ZNF438: variants seen among roughly 807,000 people sequenced by gnomAD.
ZNF438 encodes zinc finger protein 438.
ZNF438 carries 25 observed loss-of-function variants against 38.0 expected under a neutral mutation model. The ratio of observed to expected loss-of-function variants is 0.66; its 90% CI spans 0.48 to 0.92. The LOEUF (loss-of-function observed/expected upper bound fraction) is 0.92. Ranked by LOEUF, ZNF438 falls within the 40% of genes least tolerant of loss-of-function variation. The pLI, the probability that ZNF438 is intolerant of heterozygous loss-of-function variation, is 0.00. For synonymous variants in ZNF438, 372 were observed against 364.1 expected (o/e 1.02, Z -0.25); for missense variants, 1,007 against 999.6 (o/e 1.01, Z -0.10).
Position 30,973,974 on chromosome 10 carries a change from C to T in ZNF438, c.-191-32323G>A, listed in dbSNP as rs143148492. Among the ~76,000 whole-genome samples, 498 of 152,318 alleles carry T rather than the reference C, an allele frequency of 3.3e-3. 1 individual carries two copies. Among genetic ancestry groups the T allele is most frequent in the Non-Finnish European group, 5.9e-3 (404 of 68,026 alleles). ...GTGTTACTGCCCTTGTGAAACACAA[C>T]TTTAGTGCTAGCAGCCGTTTCACCA... On this transcript the variant is annotated intron_variant, in intron 1 of 5. Transcript: ENST00000413025.
At chr10:31,021,082 G>C (rs61845211) in intron 1 of ZNF438, among the ~76,000 whole-genome samples, 1 of 144,292 alleles carries the variant, frequency 6.9e-6, no homozygotes, top group Non-Finnish European at 1.5e-5. Flanking sequence ...TTTGAGACAG[G>C]CTCTCACTCT....
At chr10:30,987,095 C>T (rs1366274085) in intron 1 of ZNF438, among the ~76,000 whole-genome samples, 1 of 151,920 alleles carries the variant, frequency 6.6e-6, no homozygotes, top group Non-Finnish European at 1.5e-5. Context: ...CAACTGAATC[C>T]ACAAAAGATG....
intron 1 of ZNF438, among the ~76,000 whole-genome samples, chr10:30,991,165 T>C (rs73254411): frequency 0.018 from 2,776 of 152,344 alleles, 93 homozygotes; most frequent in African/African-American, 0.062. Flanking sequence ...TCGAGAGCTC[T>C]AGTCCAGAAG....
At chr10:30,994,403 T>C (rs2053834883) in intron 1 of ZNF438, among the ~76,000 whole-genome samples, 1 of 152,194 alleles carries the variant, frequency 6.6e-6, no homozygotes, top group Non-Finnish European at 1.5e-5. Flanking sequence ...AATGGATTAG[T>C]AGATTAATAA....
At chr10:30,977,596 G>A (rs1417885615) in intron 1 of ZNF438, among the ~76,000 whole-genome samples, 1 of 152,162 alleles carries the variant, frequency 6.6e-6, no homozygotes, top group Non-Finnish European at 1.5e-5. Flanking sequence ...TAGTCACACA[G>A]CCACATGTTG....
At position 30,844,690 on chromosome 10, in the gene ZNF438, CAAATTTTG is replaced by C. The variant is rs1448589813; in HGVS notation, c.*263_*270del. 8 of 351,796 alleles carry C rather than the reference CAAATTTTG, an allele frequency of 2.3e-5. 1 individual carries two copies. The highest frequency in any genetic ancestry group is 1.7e-4 in the African/African-American group (8 of 47,850). The allele number at this position is 351,796 out of a possible 1,614,324, so 21.8% of individuals were successfully genotyped here. On this transcript the variant is annotated 3_prime_UTR_variant, in exon 6 of 6. Transcript: ENST00000413025. ...CTATATTCTGCTAAATTTCAATCTT[CAAATTTTG>C]ATCTTTTTATTTATTCTGAAAGTCT... is the stretch of plus-strand genomic sequence containing the variant.
At position 30,924,287 on chromosome 10, in the gene ZNF438, C is replaced by T. The variant is rs200100001; in HGVS notation, c.-114-15272G>A. On this transcript the variant is annotated intron_variant, in intron 2 of 5. Transcript: ENST00000413025. ...GAAGGCTTTAATCAGGTGCTGCAGC[C>T]GAGGAGATGGGAGCTCAGTCTAAAA... Among the ~76,000 whole-genome samples the T allele has an allele frequency of 3.3e-5, 5 of 152,198 alleles. No homozygotes were observed. In the East Asian group the frequency reaches 9.7e-4, roughly 29 times the overall value.
chr10:31,010,996 A>G (rs2055646244), intron 1 of ZNF438, among the ~76,000 whole-genome samples: 1 of 151,182 alleles, frequency 6.6e-6, no homozygotes, highest in Non-Finnish European at 1.5e-5. Context: ...ATAAAAATGT[A>G]GTGGATTAAA....
intron 5 of ZNF438, among the ~76,000 whole-genome samples, chr10:30,847,644 T>G (rs1157765671): frequency 6.6e-6 from 1 of 152,212 alleles, no homozygotes; most frequent in Non-Finnish European, 1.5e-5. Flanking sequence ...TGGGGAGCTC[T>G]GTCCTGGGAG....
chr10:30,882,400 T>C (rs11814082), intron 3 of ZNF438, among the ~76,000 whole-genome samples: 30,780 of 152,042 alleles, frequency 0.2, 3,379 homozygotes, highest in African/African-American at 0.29. Context: ...ATACAAAAAC[T>C]TGTACAAAGA....
At chr10:30,927,683 C>T (rs753486245) in intron 2 of ZNF438, among the ~76,000 whole-genome samples, 14 of 152,116 alleles carry the variant, frequency 9.2e-5, no homozygotes, top group Non-Finnish European at 1.3e-4. Context: ...GAAAATAAAC[C>T]CGAAGGGTCT....
chr10:30,983,393 A>C (rs2052433670), intron 1 of ZNF438, among the ~76,000 whole-genome samples: 1 of 152,232 alleles, frequency 6.6e-6, no homozygotes, highest in Non-Finnish European at 1.5e-5. Context: ...GCAAAGGGGA[A>C]GCAGGTACAT....
chr10:30,860,529 T>A (rs1396782972), intron 4 of ZNF438, among the ~76,000 whole-genome samples: 2 of 152,330 alleles, frequency 1.3e-5, no homozygotes, highest in East Asian at 3.9e-4. Flanking sequence ...TCTATGCTTG[T>A]AAATAATGAA....
chr10:30,880,444 AAAAG>A (rs2039082382), intron 3 of ZNF438, among the ~76,000 whole-genome samples: 1 of 150,088 alleles, frequency 6.7e-6, no homozygotes. Flanking sequence ...AAAAAAAAAA[AAAAG>A]AAAAAGAAAA....
chr10:30,854,253 G>A (rs2034216470), intron 4 of ZNF438, among the ~76,000 whole-genome samples: 1 of 152,208 alleles, frequency 6.6e-6, no homozygotes, highest in South Asian at 2.1e-4. Context: ...CCGGGAGTTT[G>A]CAGTGAGCCG....
At chr10:30,951,077 T>G (rs2048133894) in intron 1 of ZNF438, among the ~76,000 whole-genome samples, 1 of 142,202 alleles carries the variant, frequency 7.0e-6, no homozygotes. Context: ...ATCCCTGGGA[T>G]GCAAGGCTGG....
chr10:30,865,098 A>C (rs1298066146), intron 4 of ZNF438, among the ~76,000 whole-genome samples: 2 of 152,236 alleles, frequency 1.3e-5, no homozygotes, highest in Non-Finnish European at 2.9e-5. Flanking sequence ...ATCTGTTTAC[A>C]TGTCAGTCTC....
At chr10:30,848,596 C>A (rs767649888) in exon 5 of ZNF438, 1 of 1,613,928 alleles carries the variant, frequency 6.2e-7, no homozygotes, top group South Asian at 1.1e-5. Flanking sequence ...CTCCTGGCTG[C>A]AGTTCACTGG....
chr10:30,935,049 T>C (rs1027371711), intron 2 of ZNF438, among the ~76,000 whole-genome samples: 3 of 152,238 alleles, frequency 2.0e-5, no homozygotes, highest in African/African-American at 7.2e-5. Context: ...TTTGCTTGAA[T>C]TAAACATCTC....
Sources: allele counts gnomAD v4.1 joint callset (sites outside exome capture counted in the v4.1 genomes callset), GRCh38; gene constraint gnomAD v4.1.1; transcripts MANE v1.5; gene names NCBI Gene and HGNC (gene_info 2026-07-23, HGNC 2026-07-21).